The following PIEZO1 variants were observed in gnomAD, a reference collection of about 807,000 sequenced individuals.
PIEZO1 encodes the protein piezo-type mechanosensitive ion channel component 1.
In PIEZO1, 296 loss-of-function variants were observed where a neutral mutation model predicts 297.2. The observed-to-expected ratio is 1.00, with a 90% confidence interval of 0.91 to 1.10. The LOEUF (loss-of-function observed/expected upper bound fraction) is 1.10, where lower values mean the gene tolerates loss of function less well. Ranked by LOEUF, PIEZO1 falls within the 50% of genes least tolerant of loss-of-function variation. The pLI, the probability that PIEZO1 is intolerant of heterozygous loss-of-function variation, is 0.00. For synonymous variants in PIEZO1, 2,427 were observed against 1,507.5 expected (o/e 1.61, Z -14.13); for missense variants, 5,018 against 3,455.5 (o/e 1.45, Z -11.34).
intron 1 of PIEZO1, among the ~76,000 whole-genome samples, chr16:88,776,004 C>T (rs1207692170): frequency 6.6e-6 from 1 of 152,158 alleles, no homozygotes; most frequent in South Asian, 2.1e-4. Flanking sequence ...CTCCAGCATG[C>T]GCAGCACAGG....
In PIEZO1 at chr16:88,715,343, T is replaced by G; in HGVS notation, c.*262A>C. 3.8e-6 allele frequency: 5 copies of G among 1,305,372 alleles called. No homozygotes were observed. Among genetic ancestry groups the G allele is most frequent in the South Asian group, 1.3e-5 (1 of 75,998 alleles). The allele number at this position is 1,305,372 out of a possible 1,614,324, so 80.9% of individuals were successfully genotyped here. A position where few individuals can be genotyped will look rare whatever the true frequency, so the allele number is the denominator to read the frequency against. On this transcript the variant is annotated 3_prime_UTR_variant, in exon 51 of 51. Transcript: ENST00000301015. ...GCAAGGACGGGGGACTGGCCTCTGATTGTCCATTTGTATAAATAAAACATT... is the reference window on the plus strand; with the variant it reads ...GCAAGGACGGGGGACTGGCCTCTGAGTGTCCATTTGTATAAATAAAACATT...
At position 88,735,551 on chromosome 16, in the gene PIEZO1, A is replaced by C. The variant is rs557455517; in HGVS notation, c.1558-305T>G. ...CATGCACGCACCTGCACACATGTCC[A>C]CATGCTGGAGTGCATGTTTGCCCAC... On this transcript the variant is annotated intron_variant, in intron 12 of 50. Coordinates refer to ENST00000301015, the MANE Select transcript of PIEZO1 (RefSeq NM_001142864.4). 3.9e-5 allele frequency among the ~76,000 whole-genome samples: 6 copies of C among 152,400 alleles called. No individual in the cohort carries two copies. In the South Asian group the frequency reaches 1.2e-3, roughly 32 times the overall value.
chr16:88,757,758 T>C (rs1342954898), intron 1 of PIEZO1, among the ~76,000 whole-genome samples: 1 of 151,990 alleles, frequency 6.6e-6, no homozygotes, highest in Non-Finnish European at 1.5e-5. Context: ...CCTTGGGTCC[T>C]CCCAACAACC....
At chr16:88,744,433 C>A (rs753750943) in intron 2 of PIEZO1, 19 of 152,050 alleles carry the variant, frequency 1.2e-4, no homozygotes, top group Non-Finnish European at 2.4e-4. Context: ...CCCCCGGGCA[C>A]TGAGAGGACA....
chr16:88,745,765 A>AAAT lies in PIEZO1; in HGVS notation c.161-3344_161-3343insATT, dbSNP rs1194744344. ...CTCCGTCTCAAAAAAAAAAAAAAAA[A>AAAT]AAGGGGCCGGGGCTCCCCCTCCAGC... On this transcript the variant is annotated intron_variant, in intron 2 of 50. Transcript: ENST00000301015. The AAAT allele has an allele frequency of 2.0e-5, 3 of 151,512 alleles. No individual in the cohort carries two copies. The East Asian group carries it at 5.8e-4, about 29-fold the overall frequency. The allele number at this position is 151,512 out of a possible 1,614,324, so 9.4% of individuals were successfully genotyped here. A position where few individuals can be genotyped will look rare whatever the true frequency, so the allele number is the denominator to read the frequency against.
chr16:88,748,620 C>G (rs893629005), intron 2 of PIEZO1, among the ~76,000 whole-genome samples: 1 of 152,116 alleles, frequency 6.6e-6, no homozygotes, highest in African/African-American at 2.4e-5. Context: ...GTGCCTGGAG[C>G]CTGCAGAGAG....
chr16:88,753,313 T>A (rs1380741704), intron 1 of PIEZO1, among the ~76,000 whole-genome samples: 3 of 41,336 alleles, frequency 7.3e-5, no homozygotes, highest in African/African-American at 1.1e-4. Context: ...GCAGCACACC[T>A]CCCGCCCCCG....
In PIEZO1 at chr16:88,727,175, G is replaced by A. The variant is rs1167203589; in HGVS notation, c.3319C>T (p.Leu1107=). 5 of 1,543,564 alleles carry A rather than the reference G, an allele frequency of 3.2e-6. No individual in the cohort carries two copies. The highest frequency in any genetic ancestry group is 4.4e-6 in the Non-Finnish European group (5 of 1,142,802). The change falls in exon 24 of 51, where the codon CTG becomes TTG. Residue 1107 remains leucine, a synonymous_variant. Coordinates refer to ENST00000301015, the MANE Select transcript of PIEZO1 (RefSeq NM_001142864.4). Reference sequence around the variant, plus strand: ...ACCTGCCACTGCTGGGAGGCGCACAGCAGCAGGAGAAAGTCGCCTGCAGGA... The same window carrying A: ...ACCTGCCACTGCTGGGAGGCGCACAACAGCAGGAGAAAGTCGCCTGCAGGA... ...TNLISDFLLL[L]CASQQWQVFS...
chr16:88,720,684 C>T lies in PIEZO1; in HGVS notation c.5733G>A (p.Lys1911=), dbSNP rs750090022. 2 of 1,544,226 alleles carry T rather than the reference C, an allele frequency of 1.3e-6. No individual in the cohort carries two copies. The highest frequency in any genetic ancestry group is 1.7e-6 in the Non-Finnish European group (2 of 1,144,100). Residue 1911 remains lysine, a synonymous_variant, in exon 40 of 51, where the codon AAG becomes AAA. Coordinates refer to ENST00000301015, the MANE Select transcript of PIEZO1 (RefSeq NM_001142864.4). ...CTCTTCCTCCAGAGCGGCTTGGCCT[C>T]TTCTCTCTCCCCGTGGGGGCCTCTT... ...EEKEAPTGRE[K]RPSRSGGRVR...
chr16:88,720,641 G>A lies in PIEZO1; in HGVS notation c.5776C>T (p.Arg1926Trp), dbSNP rs947329881. 83 of 1,538,970 alleles carry A rather than the reference G, an allele frequency of 5.4e-5. No homozygotes were observed. Among genetic ancestry groups the A allele is most frequent in the East Asian group, 7.5e-5 (3 of 40,228 alleles). Residue 1926 changes from arginine (R) to tryptophan (W), a missense_variant, in exon 40 of 51, where the codon CGG becomes TGG. Arg to Trp is a moderately radical substitution (Grantham distance 101). Coordinates refer to ENST00000301015, the MANE Select transcript of PIEZO1 (RefSeq NM_001142864.4). ...SGGRVRAAGR[R>W]LQGFCLSLAQ... ...AGGGACAGGCAGAAGCCCTGCAGCC[G>A]CCGCCCGGCCGCCCTTACTCTTCCT...
chr16:88,767,214 T>C (rs974291434), intron 1 of PIEZO1, among the ~76,000 whole-genome samples: 3 of 152,170 alleles, frequency 2.0e-5, no homozygotes, highest in African/African-American at 7.2e-5. Context: ...GGGACATCCT[T>C]ACGGGAAGGA....
intron 33 of PIEZO1, 37 bp downstream of exon 33, chr16:88,723,058 G>C: frequency 3.2e-6 from 5 of 1,545,066 alleles, no homozygotes; most frequent in Non-Finnish European, 4.4e-6. Flanking sequence ...GTGGGGCCAA[G>C]AGAGACCTCC....
At chr16:88,759,752 G>A (rs949322115) in intron 1 of PIEZO1, among the ~76,000 whole-genome samples, 2 of 152,178 alleles carry the variant, frequency 1.3e-5, no homozygotes, top group Non-Finnish European at 2.9e-5. Context: ...CCCAGGGGAC[G>A]GGGGGAAGCC....
In PIEZO1 at chr16:88,716,373, G is replaced by A. The variant is rs969205484; in HGVS notation, c.7037C>T (p.Ser2346Leu). Residue 2346 changes from serine to leucine, a missense_variant, in exon 48 of 51, where the codon TCG (serine) becomes TTG (leucine). Coordinates refer to ENST00000301015, the MANE Select transcript of PIEZO1 (RefSeq NM_001142864.4). ...RQLASLLEGT[S>L]DQSVVIPNLF... The stretch of plus-strand genomic sequence containing the variant: ...GCCCTTCACTCACACAGACTGGTCC[G>A]AGGTGCCCTCGAGCAGGCTGGCCAG... 152 of 1,543,056 alleles carry A rather than the reference G, an allele frequency of 9.9e-5. No individual in the cohort carries two copies. The highest frequency in any genetic ancestry group is 1.1e-4 in the Non-Finnish European group (126 of 1,142,674).
In PIEZO1 at chr16:88,731,724, G is replaced by A. The variant is rs1220581112; in HGVS notation, c.3178C>T (p.Pro1060Ser). Residue 1060 changes from proline to serine, a missense_variant, in exon 22 of 51, where the codon CCC becomes TCC. By Grantham distance (74) the Pro-to-Ser change is moderately conservative. Transcript: ENST00000301015. ...LYQYLLCLGM[P>S]PALCIDYPWR... Reference sequence around the variant, plus strand: ...CCCTCACCAATGCACAGGGCCGGGGGCATCCCCAGGCACAGCAGGTACTGG... The same window carrying A: ...CCCTCACCAATGCACAGGGCCGGGGACATCCCCAGGCACAGCAGGTACTGG... 7.1e-6 allele frequency: 11 copies of A among 1,549,688 alleles called. No individual in the cohort carries two copies. Among genetic ancestry groups the A allele is most frequent in the East Asian group, 2.5e-5 (1 of 40,776 alleles).
At chr16:88,762,470 A>ACCTGCT (rs1218178856) in intron 1 of PIEZO1, among the ~76,000 whole-genome samples, 2 of 151,886 alleles carry the variant, frequency 1.3e-5, no homozygotes, top group Non-Finnish European at 2.9e-5. Flanking sequence ...AATCCCGGGG[A>ACCTGCT]CGGCAGGACC....
chr16:88,719,999 C>T (rs1424620170), intron 42 of PIEZO1, 39 bp from the exon 43 acceptor site: 1 of 1,549,246 alleles, frequency 6.5e-7, no homozygotes, highest in Non-Finnish European at 8.7e-7. Context: ...CCATCAGAAA[C>T]AGCCCCGCAG....
At chr16:88,731,978 C>T (rs915081276) in intron 21 of PIEZO1, 68 bp from the exon 22 acceptor site, 4 of 103,160 alleles carry the variant, frequency 3.9e-5, no homozygotes, top group African/African-American at 2.9e-4. Context: ...CTTGTCCCAC[C>T]CAGCAGGCCT....
chr16:88,741,538 G>A lies in PIEZO1; in HGVS notation c.405C>T (p.Cys135=), dbSNP rs1905659159. Residue 135 remains cysteine, a synonymous_variant, in exon 5 of 51, where the codon TGC becomes TGT. Coordinates refer to ENST00000301015, the MANE Select transcript of PIEZO1 (RefSeq NM_001142864.4). ...DLGILVVSSV[C]LGICGRLARN... is the part of the protein sequence containing the mutation. ...TTGCAAGGCGCCCGCAGATGCCGAG[G>A]CAGACAGAGGAGACCACCAAGATGC... 5 of 1,535,730 alleles carry A rather than the reference G, an allele frequency of 3.3e-6. No homozygotes were observed. Among genetic ancestry groups the A allele is most frequent in the Non-Finnish European group, 4.4e-6 (5 of 1,146,762 alleles).
Sources: allele counts gnomAD v4.1 joint callset (sites outside exome capture counted in the v4.1 genomes callset), GRCh38; gene constraint gnomAD v4.1.1; transcripts MANE v1.5; gene names NCBI Gene and HGNC (gene_info 2026-07-23, HGNC 2026-07-21).